ABCG1: variants seen among roughly 807,000 people sequenced by gnomAD.
ABCG1 encodes ATP-binding cassette sub-family G member 1.
ABCG1 carries 29 observed loss-of-function variants against 69.2 expected under a neutral mutation model. The ratio of observed to expected loss-of-function variants is 0.42; its 90% CI spans 0.31 to 0.57. The LOEUF is 0.57. Ranked by LOEUF, ABCG1 falls within the 20% of genes least tolerant of loss-of-function variation. ABCG1 has a pLI of 0.15. For missense variants in ABCG1, 718 were observed against 898.1 expected (o/e 0.80, Z 2.56); for synonymous variants, 370 against 374.8 (o/e 0.99, Z 0.15).
chr21:42,226,012 T>C, intron 2 of ABCG1, 98 bp downstream of exon 2: 4 of 1,404,960 alleles, frequency 2.8e-6, no homozygotes, highest in Non-Finnish European at 3.9e-6. Flanking sequence ...GTTGAGAGGC[T>C]GAGCTTCTCT....
upstream of ABCG1, among the ~76,000 whole-genome samples, chr21:42,216,717 C>A (rs2067644832): frequency 6.6e-6 from 1 of 152,194 alleles, no homozygotes; most frequent in Non-Finnish European, 1.5e-5. Flanking sequence ...CACTCCGAAC[C>A]TTTCTGTACT....
intron 2 of ABCG1, among the ~76,000 whole-genome samples, chr21:42,269,827 C>G (rs538781819): frequency 6.6e-6 from 1 of 152,146 alleles, no homozygotes; most frequent in Non-Finnish European, 1.5e-5. Flanking sequence ...AGCTGGGGAC[C>G]GGGAGAAAGT....
intron 2 of ABCG1, among the ~76,000 whole-genome samples, chr21:42,243,305 G>A (rs1047035593): frequency 2.0e-5 from 3 of 152,160 alleles, no homozygotes; most frequent in Admixed American, 6.5e-5. Context: ...TACCTTCCTC[G>A]GGGGTGGTGG....
rs1056497639 is a variant in ABCG1 at position 42,287,204 on chromosome 21, G to C, written c.974-685G>C. Among the ~76,000 whole-genome samples the C allele has an allele frequency of 6.6e-6, 1 of 152,174 alleles. No homozygotes were observed. The highest frequency in any genetic ancestry group is 1.5e-5 in the Non-Finnish European group (1 of 68,006). ...AAGCAGATGTAGGCAGAGGGAAGGA[G>C]GCCAGTCACCACGGGAGTGTGGAAG... On this transcript the variant is annotated intron_variant, in intron 8 of 14. Transcript: ENST00000398449. This position sits in a 1 kb window ranked among gnomAD's most constrained non-coding sequence, Gnocchi z 6.2.
chr21:42,236,182 G>A (rs1038848447), intron 2 of ABCG1, among the ~76,000 whole-genome samples: 12 of 152,332 alleles, frequency 7.9e-5, no homozygotes, highest in African/African-American at 2.6e-4. Context: ...CGTTGGCTCC[G>A]CTAAGCCGGC....
At chr21:42,204,242 T>C (rs919878843) in intron 2 of ABCG1, among the ~76,000 whole-genome samples, 1 of 152,210 alleles carries the variant, frequency 6.6e-6, no homozygotes, top group African/African-American at 2.4e-5. Context: ...TTTATTTCCT[T>C]TTCTTGCTTT....
chr21:42,257,127 A>G (rs576767708), intron 2 of ABCG1, among the ~76,000 whole-genome samples: 2 of 152,368 alleles, frequency 1.3e-5, no homozygotes, highest in Middle Eastern at 3.4e-3. Context: ...GAAGAAAACA[A>G]ATTTTAAAAA....
chr21:42,285,927 C>A lies in ABCG1; in HGVS notation c.906C>A (p.Cys302Ter). 2 of 1,614,082 alleles carry A rather than the reference C, an allele frequency of 1.2e-6. No individual in the cohort carries two copies. Among genetic ancestry groups the A allele is most frequent in the Non-Finnish European group, 8.5e-7 (1 of 1,180,000 alleles). Reference protein sequence around the residue: ...QGQCVYRGKVCNLVPYLRDLG... With the variant: ...QGQCVYRGKV ...AATGTGTGTACCGGGGAAAAGTCTG[C>A]AATCTTGTGCCATATTTGAGGGATT... Residue 302 changes from cysteine (C) to a stop codon, truncating the protein, a stop_gained, in exon 8 of 15, where the codon TGC becomes TGA. Coordinates refer to ENST00000398449, the MANE Select transcript of ABCG1 (RefSeq NM_016818.3). LOFTEE classifies it high-confidence loss of function.
At chr21:42,282,477 C>T (rs1018607697) in intron 6 of ABCG1, 58 bp downstream of exon 6, 18 of 1,547,188 alleles carry the variant, frequency 1.2e-5, no homozygotes, top group Middle Eastern at 3.5e-4. Context: ...CTGTATTCAG[C>T]GGTTCTTCCA....
At chr21:42,290,924 G>A (rs775746346) in intron 11 of ABCG1, among the ~76,000 whole-genome samples, 168 bp from the exon 12 acceptor site, 6 of 152,202 alleles carry the variant, frequency 3.9e-5, no homozygotes, top group Non-Finnish European at 7.3e-5. Flanking sequence ...ATGCAAACGG[G>A]TGGCGTTTTT....
chr21:42,267,789 CTGGTCTGGGTTCTGTCTGGGTG>C (rs2068539070), intron 2 of ABCG1, among the ~76,000 whole-genome samples: 2 of 123,388 alleles, frequency 1.6e-5, no homozygotes, highest in African/African-American at 3.1e-5. Context: ...CTGTCTGGGT[CTGGTCTGGGTTCTGTCTGGGTG>C]TGGTCTGGGT....
At chr21:42,266,288 G>A (rs1449168424) in intron 2 of ABCG1, among the ~76,000 whole-genome samples, 6 of 151,680 alleles carry the variant, frequency 4.0e-5, no homozygotes, top group East Asian at 3.9e-4. Flanking sequence ...GTGACAGAGC[G>A]AGACTCTGTC....
chr21:42,256,581 A>G (rs1175261818), intron 2 of ABCG1: 1 of 1,527,276 alleles, frequency 6.5e-7, no homozygotes, highest in African/African-American at 1.4e-5. Flanking sequence ...CTGACCCATG[A>G]AGAGAAAGCA....
At chr21:42,200,993 C>T (rs779287085) in intron 1 of ABCG1, among the ~76,000 whole-genome samples, 1 of 151,984 alleles carries the variant, frequency 6.6e-6, no homozygotes, top group East Asian at 1.9e-4. Context: ...CATAGGTAAA[C>T]GTGTGCCATG....
chr21:42,237,138 G>A (rs915847), intron 2 of ABCG1, among the ~76,000 whole-genome samples: 48,269 of 152,112 alleles, frequency 0.32, 7,752 homozygotes, highest in Middle Eastern at 0.41. Flanking sequence ...AGAGGAAAAT[G>A]GGCAGCATCA....
chr21:42,244,960 A>C (rs1473537831), intron 2 of ABCG1, among the ~76,000 whole-genome samples: 1 of 152,224 alleles, frequency 6.6e-6, no homozygotes, highest in Admixed American at 6.5e-5. Flanking sequence ...TGAGAACTCC[A>C]TGTGGGAATC....
At chr21:42,235,261 TG>T (rs1216942307) in intron 2 of ABCG1, among the ~76,000 whole-genome samples, 2 of 152,068 alleles carry the variant, frequency 1.3e-5, no homozygotes, top group Non-Finnish European at 2.9e-5. Context: ...GGAATGGAAA[TG>T]GCGCTCAAAT....
At chr21:42,267,437 GTGGTCCGAGTTCTGTCTGGGTC>G (rs1317472528) in intron 2 of ABCG1, among the ~76,000 whole-genome samples, 13 of 149,624 alleles carry the variant, frequency 8.7e-5, no homozygotes, top group African/African-American at 1.2e-4. Context: ...CTGTCTGGGT[GTGGTCCGAGTTCTGTCTGGGTC>G]TGGTCTGGGT....
chr21:42,213,076 T>C (rs1179616972), upstream of ABCG1, among the ~76,000 whole-genome samples: 1 of 152,190 alleles, frequency 6.6e-6, no homozygotes, highest in Non-Finnish European at 1.5e-5. Context: ...TAAAAAAGCA[T>C]GTTTAGAAGA....
Sources: gnomAD v4.1 joint callset for allele counts (sites outside exome capture counted in the v4.1 genomes callset) on GRCh38, gnomAD v4.1.1 for gene constraint, Gnocchi (gnomAD v3.1) non-coding constraint, MANE v1.5 for transcripts, NCBI Gene and HGNC (gene_info 2026-07-23, HGNC 2026-07-21) for gene names.